The following TMEM184B variants were observed in gnomAD, a reference collection of about 807,000 sequenced individuals.
TMEM184B encodes the protein putative MAPK-activating protein FM08.
A neutral mutation model predicts 41.8 loss-of-function variants in TMEM184B; 17 were observed. The ratio of observed to expected loss-of-function variants is 0.41; its 90% CI spans 0.28 to 0.61. The LOEUF is 0.61. Among genes scored for constraint, TMEM184B ranks in the 20% least tolerant of loss-of-function variants. The pLI, the probability that TMEM184B is intolerant of heterozygous loss-of-function variation, is 0.34. For synonymous variants in TMEM184B, 240 were observed against 229.5 expected (o/e 1.05, Z -0.41); for missense variants, 393 against 557.8 (o/e 0.70, Z 2.98).
intron 3 of TMEM184B, among the ~76,000 whole-genome samples, chr22:38,241,364 T>C (rs1420142891): frequency 1.3e-5 from 2 of 152,072 alleles, no homozygotes; most frequent in East Asian, 3.9e-4. Flanking sequence ...AGGCAAGTAG[T>C]AACTGGAGCA....
At position 38,219,399 on chromosome 22, in the gene TMEM184B, T is replaced by C. The variant is rs2091198300; in HGVS notation, c.*2070A>G. The C allele has an allele frequency of 2.0e-6, 2 of 985,866 alleles. No individual in the cohort carries two copies. Among genetic ancestry groups the C allele is most frequent in the Non-Finnish European group, 2.4e-6 (2 of 829,946 alleles). 61.1% of individuals were successfully genotyped at this position (985,866 alleles called of 1,614,324 possible). On this transcript the variant is annotated 3_prime_UTR_variant, in exon 9 of 9. Transcript: ENST00000361906. ...TCACAGAGACCAAAATAGAGTGGCTTTCTGGTGGAACTCATGGCAGTCATA... is the reference window on the plus strand; with the variant it reads ...TCACAGAGACCAAAATAGAGTGGCTCTCTGGTGGAACTCATGGCAGTCATA...
chr22:38,230,551 G>A lies in TMEM184B; in HGVS notation c.525+118C>T, dbSNP rs149790812. ...CAGCTTCGGGGGGTGGGTGCTGGGG[G>A]CCTGGGGTGCCTCATAGGAAAGGGG... On this transcript the variant is annotated intron_variant, in intron 5 of 8. Transcript: ENST00000361906. 3.8e-3 allele frequency: 3,745 copies of A among 995,892 alleles called. 16 individuals carry two copies. The highest frequency in any genetic ancestry group is 5.2e-3 in the Non-Finnish European group (3,408 of 655,832). 61.7% of individuals were successfully genotyped at this position (995,892 alleles called of 1,614,324 possible). A position where few individuals can be genotyped will look rare whatever the true frequency, so the allele number is the denominator to read the frequency against.
rs764097324 is a variant in TMEM184B at position 38,246,081 on chromosome 22, C to A, written c.212G>T (p.Cys71Phe). The A allele has an allele frequency of 6.2e-7, 1 of 1,611,640 alleles. No individual in the cohort carries two copies. Among genetic ancestry groups the A allele is most frequent in the Admixed American group, 1.7e-5 (1 of 60,020 alleles). ...GCGCTGCTCGTTGGGGCAGCTGTAG[C>A]AGCGCAGGTGCATGTAGATCTGGGG... ...TCHQIYMHLR[C>F]YSCPNEQRYI... Residue 71 changes from cysteine (C) to phenylalanine (F), a missense_variant, in exon 3 of 9, where the codon TGC becomes TTC. Cys to Phe is a radical substitution (Grantham distance 205). This residue lies in a region of TMEM184B where 122 missense variants were observed against 123.7 expected (regional missense o/e 0.99). Coordinates refer to ENST00000361906, the MANE Select transcript of TMEM184B (RefSeq NM_012264.5).
At chr22:38,249,386 G>T (rs1456592386) in intron 1 of TMEM184B, among the ~76,000 whole-genome samples, 1 of 152,162 alleles carries the variant, frequency 6.6e-6, no homozygotes, top group Non-Finnish European at 1.5e-5. Flanking sequence ...CTGGCCTCAA[G>T]CAATTCTCCT....
intron 3 of TMEM184B, among the ~76,000 whole-genome samples, chr22:38,237,488 AAGC>A (rs2091804785): frequency 6.6e-6 from 1 of 152,202 alleles, no homozygotes; most frequent in Non-Finnish European, 1.5e-5. Flanking sequence ...TCAGCGCCTA[AAGC>A]TGGCCTCATG....
At chr22:38,253,276 T>A (rs1302762920) in intron 1 of TMEM184B, among the ~76,000 whole-genome samples, 3 of 151,536 alleles carry the variant, frequency 2.0e-5, no homozygotes, top group Non-Finnish European at 4.4e-5. Flanking sequence ...ATAATAATAA[T>A]AAAACAACAT....
chr22:38,254,471 A>G (rs1285323644), intron 1 of TMEM184B, among the ~76,000 whole-genome samples: 1 of 151,456 alleles, frequency 6.6e-6, no homozygotes, highest in Non-Finnish European at 1.5e-5. Context: ...ATGGTGGTAC[A>G]TGTCTGTAAT....
In TMEM184B at chr22:38,239,545, T is replaced by G. The variant is rs2091858479; in HGVS notation, c.358+6390A>C. The G allele has an allele frequency of 6.6e-6, 1 of 152,152 alleles. No homozygotes were observed. Among genetic ancestry groups the G allele is most frequent in the Admixed American group, 6.5e-5 (1 of 15,268 alleles). 9.4% of individuals were successfully genotyped at this position (152,152 alleles called of 1,614,324 possible). On this transcript the variant is annotated intron_variant, in intron 3 of 8. Transcript: ENST00000361906. This position sits in a 1 kb window ranked among gnomAD's most constrained non-coding sequence, Gnocchi z 4.6. ...TCAGAGCCCTAGGAAAAATCAGCAC[T>G]GCACATGCCAGGCAGCTCTGGTGGC...
chr22:38,256,773 C>T (rs2092286525), intron 1 of TMEM184B, among the ~76,000 whole-genome samples: 2 of 152,124 alleles, frequency 1.3e-5, no homozygotes, highest in Admixed American at 1.3e-4. Context: ...TTTCCCTGTC[C>T]CCCAGATGTA....
chr22:38,221,420 A>G lies in TMEM184B; in HGVS notation c.*49T>C. On this transcript the variant is annotated 3_prime_UTR_variant, in exon 9 of 9. Transcript: ENST00000361906. ...GGTGGTGAGGCTGGAGGTGGGGCAC[A>G]GCCTGACCGTGGCTATGGCGCCAGC... 6.5e-7 allele frequency: 1 copy of G among 1,549,736 alleles called. No homozygotes were observed. Among genetic ancestry groups the G allele is most frequent in the South Asian group, 1.2e-5 (1 of 81,270 alleles).
chr22:38,225,623 G>C lies in TMEM184B; in HGVS notation c.618-30C>G. 6.3e-7 allele frequency: 1 copy of C among 1,590,294 alleles called. No homozygotes were observed. Among genetic ancestry groups the C allele is most frequent in the South Asian group, 1.1e-5 (1 of 88,252 alleles). On this transcript the variant is annotated intron_variant, in intron 6 of 8. Coordinates refer to ENST00000361906, the MANE Select transcript of TMEM184B (RefSeq NM_012264.5). The surrounding 1 kb of genome is among the most constrained non-coding windows in gnomAD (Gnocchi z 4.4). ...GGGACGGGGAGCATTTTCTGGCTGGGACAGACCCTTGGAGGGAAGGGGCTC... is the reference window on the plus strand; with the variant it reads ...GGGACGGGGAGCATTTTCTGGCTGGCACAGACCCTTGGAGGGAAGGGGCTC...
At chr22:38,253,387 T>A (rs899851410) in intron 1 of TMEM184B, among the ~76,000 whole-genome samples, 2 of 152,010 alleles carry the variant, frequency 1.3e-5, no homozygotes, top group Admixed American at 1.3e-4. Context: ...CAGGGCAACA[T>A]AGCGAAACCC....
intron 3 of TMEM184B, among the ~76,000 whole-genome samples, chr22:38,243,575 C>A (rs1214231710): frequency 6.6e-6 from 1 of 152,132 alleles, no homozygotes; most frequent in Non-Finnish European, 1.5e-5. Context: ...CCCCAGGGAC[C>A]CAGAGGTTTC....
intron 1 of TMEM184B, among the ~76,000 whole-genome samples, chr22:38,261,270 G>A (rs2092364875): frequency 6.6e-6 from 1 of 152,120 alleles, no homozygotes; most frequent in African/African-American, 2.4e-5. Flanking sequence ...AGCGGCCCCT[G>A]GCCAGGCACT....
intron 8 of TMEM184B, chr22:38,224,125 C>CT (rs199695848): frequency 0.12 from 18,600 of 151,882 alleles, 1,424 homozygotes; most frequent in South Asian, 0.23. Flanking sequence ...TTCTTTCTTT[C>CT]TTTTTTTTGA....
At chr22:38,243,928 G>A (rs1027839535) in intron 3 of TMEM184B, among the ~76,000 whole-genome samples, 4 of 152,130 alleles carry the variant, frequency 2.6e-5, no homozygotes, top group Admixed American at 1.3e-4. Context: ...TGGTGGGGCC[G>A]AGGACCTGGA....
At chr22:38,250,924 A>C (rs1311729251) in intron 1 of TMEM184B, among the ~76,000 whole-genome samples, 1 of 152,212 alleles carries the variant, frequency 6.6e-6, no homozygotes, top group African/African-American at 2.4e-5. Flanking sequence ...ATTTCACAAG[A>C]GGAAATGCAC....
At chr22:38,235,720 C>T (rs919838558) in intron 3 of TMEM184B, among the ~76,000 whole-genome samples, 30 of 152,246 alleles carry the variant, frequency 2.0e-4, no homozygotes, top group Admixed American at 1.4e-3. Flanking sequence ...CAGTCTCCCT[C>T]CTGGAAAGTA....
At chr22:38,237,134 G>C (rs2091792586) in intron 3 of TMEM184B, among the ~76,000 whole-genome samples, 1 of 152,034 alleles carries the variant, frequency 6.6e-6, no homozygotes, top group South Asian at 2.1e-4. Flanking sequence ...AATGCTACAG[G>C]ACCCAGCAGT....
Sources: allele counts gnomAD v4.1 joint callset (sites outside exome capture counted in the v4.1 genomes callset), GRCh38; gene constraint gnomAD v4.1.1; regional missense constraint gnomAD v4.1.1; non-coding constraint Gnocchi (gnomAD v3.1); transcripts MANE v1.5; gene names NCBI Gene and HGNC (gene_info 2026-07-23, HGNC 2026-07-21).